The following MAPRE2 variants were observed in gnomAD, a reference collection of about 807,000 sequenced individuals.
MAPRE2 encodes microtubule associated protein RP/EB family member 2.
A neutral mutation model predicts 43.2 loss-of-function variants in MAPRE2; 13 were observed. The ratio of observed to expected loss-of-function variants is 0.30; its 90% CI spans 0.20 to 0.48. The LOEUF is 0.48. MAPRE2 is among the 20% of genes least tolerant of loss of function. The pLI is 0.99. For missense variants in MAPRE2, 161 were observed against 400.2 expected (o/e 0.40, Z 5.10); for synonymous variants, 135 against 148.8 (o/e 0.91, Z 0.68).
intron 2 of MAPRE2, among the ~76,000 whole-genome samples, chr18:35,008,952 G>A (rs2097033083): frequency 6.7e-6 from 1 of 148,330 alleles, no homozygotes; most frequent in African/African-American, 2.4e-5. Context: ...GTTTTGGGGT[G>A]TGTGTGTGTG....
At chr18:34,979,283 C>T (rs1374141729) in intron 1 of MAPRE2, among the ~76,000 whole-genome samples, 1 of 152,134 alleles carries the variant, frequency 6.6e-6, no homozygotes, top group Non-Finnish European at 1.5e-5. Flanking sequence ...TGTGATGACT[C>T]ATGTGTAGCA....
intron 2 of MAPRE2, among the ~76,000 whole-genome samples, chr18:35,088,572 T>A (rs895780353): frequency 1.2e-4 from 18 of 152,178 alleles, no homozygotes; most frequent in Non-Finnish European, 2.2e-4. Context: ...AAATTGTGTT[T>A]ATTCAAAATG....
At chr18:35,025,677 T>C (rs1478818652) in intron 2 of MAPRE2, among the ~76,000 whole-genome samples, 1 of 152,218 alleles carries the variant, frequency 6.6e-6, no homozygotes, top group East Asian at 1.9e-4. Context: ...TGTAGTTTTT[T>C]AATAAAGCAA....
At chr18:34,985,011 T>A (rs1309991621) in intron 1 of MAPRE2, among the ~76,000 whole-genome samples, 26 of 62,558 alleles carry the variant, frequency 4.2e-4, no homozygotes, top group African/African-American at 1.7e-3. Context: ...TAATATATTT[T>A]ATGTTATATA....
intron 1 of MAPRE2, among the ~76,000 whole-genome samples, chr18:35,000,619 A>C (rs183516484): frequency 6.6e-6 from 1 of 152,256 alleles, no homozygotes; most frequent in East Asian, 1.9e-4. Flanking sequence ...GTAGAAACAG[A>C]GAATGTGCTT....
chr18:35,002,308 T>C (rs920185467), intron 1 of MAPRE2, among the ~76,000 whole-genome samples: 1 of 152,240 alleles, frequency 6.6e-6, no homozygotes, highest in Admixed American at 6.5e-5. Flanking sequence ...TTCTGAAGTT[T>C]GGATGCAGCA....
intron 2 of MAPRE2, among the ~76,000 whole-genome samples, chr18:35,077,707 A>C (rs944065639): frequency 1.3e-5 from 2 of 152,224 alleles, no homozygotes; most frequent in African/African-American, 4.8e-5. Context: ...GTCCAAGGAC[A>C]TGACAGGTTT....
chr18:35,089,043 T>A (rs1047079610), intron 2 of MAPRE2, among the ~76,000 whole-genome samples: 1 of 152,182 alleles, frequency 6.6e-6, no homozygotes, highest in Admixed American at 6.6e-5. Context: ...CAAAGTTGAA[T>A]GATACTGGAG....
chr18:34,986,418 G>A (rs1191146114), intron 1 of MAPRE2, among the ~76,000 whole-genome samples: 4 of 152,090 alleles, frequency 2.6e-5, no homozygotes, highest in African/African-American at 4.8e-5. Context: ...TCTCCATAAA[G>A]TGGAAAAAAA....
At chr18:35,029,989 G>T (rs1308587149) in intron 2 of MAPRE2, among the ~76,000 whole-genome samples, 1 of 152,190 alleles carries the variant, frequency 6.6e-6, no homozygotes, top group Non-Finnish European at 1.5e-5. Context: ...CCTCCAGAAG[G>T]TATCAAAGAA....
intron 2 of MAPRE2, among the ~76,000 whole-genome samples, chr18:35,074,574 G>T (rs1002186132): frequency 1.5e-4 from 23 of 152,186 alleles, no homozygotes; most frequent in Admixed American, 1.3e-3. Context: ...AGCCTCCTTT[G>T]AGACTTCTTT....
intron 1 of MAPRE2, among the ~76,000 whole-genome samples, chr18:34,981,238 G>A (rs1386128287): frequency 1.3e-5 from 2 of 152,014 alleles, no homozygotes; most frequent in Non-Finnish European, 2.9e-5. Context: ...GCCAGCCAAG[G>A]TGGCACACAC....
At chr18:35,094,584 C>A (rs938779259) in intron 2 of MAPRE2, among the ~76,000 whole-genome samples, 1 of 152,150 alleles carries the variant, frequency 6.6e-6, no homozygotes, top group Non-Finnish European at 1.5e-5. Context: ...ACCTAGCTAA[C>A]TTTATCAGTT....
intron 2 of MAPRE2, among the ~76,000 whole-genome samples, chr18:35,035,194 G>A (rs2097049884): frequency 6.6e-6 from 1 of 151,914 alleles, no homozygotes; most frequent in African/African-American, 2.4e-5. Context: ...AAAAAATGAT[G>A]AGCTCATGTC....
In MAPRE2 at chr18:35,070,480, C is replaced by T. The variant is rs192129511; in HGVS notation, c.250+158C>T. 6.0e-4 allele frequency: 322 copies of T among 533,532 alleles called. 2 individuals are homozygous for T. Among genetic ancestry groups the T allele is most frequent in the Non-Finnish European group, 7.9e-4 (259 of 329,150 alleles). The allele number at this position is 533,532 out of a possible 1,614,324, so 33.0% of individuals were successfully genotyped here. A position where few individuals can be genotyped will look rare whatever the true frequency, so the allele number is the denominator to read the frequency against. ...GAAAAACTCAGATATAACTAAAGGA[C>T]GTATTGGGAAAAGTGTTTATGAGCA... On this transcript the variant is annotated intron_variant, in intron 2 of 6. Transcript: ENST00000300249.
chr18:34,980,440 T>G (rs1249432272), intron 1 of MAPRE2, among the ~76,000 whole-genome samples: 1 of 152,170 alleles, frequency 6.6e-6, no homozygotes, highest in East Asian at 1.9e-4. Flanking sequence ...TGCTTGGTAT[T>G]CTATTTTCTC....
chr18:35,129,527 T>C (rs1910054765), intron 5 of MAPRE2, among the ~76,000 whole-genome samples: 1 of 152,158 alleles, frequency 6.6e-6, no homozygotes, highest in Admixed American at 6.5e-5. Flanking sequence ...ATTCCCATGA[T>C]AGAAATGAAT....
intron 2 of MAPRE2, among the ~76,000 whole-genome samples, chr18:35,020,799 C>A (rs974613159): frequency 1.3e-5 from 2 of 152,092 alleles, no homozygotes; most frequent in East Asian, 3.8e-4. Flanking sequence ...GACATAAAAA[C>A]ATGAAGCATT....
At chr18:35,104,476 T>C (rs969856181) in intron 4 of MAPRE2, among the ~76,000 whole-genome samples, 8 of 151,982 alleles carry the variant, frequency 5.3e-5, no homozygotes, top group African/African-American at 1.9e-4. Context: ...GATAAGGCAA[T>C]GTAAGCAGGT....
Sources: gnomAD v4.1 joint callset for allele counts (sites outside exome capture counted in the v4.1 genomes callset) on GRCh38, gnomAD v4.1.1 for gene constraint, MANE v1.5 for transcripts, NCBI Gene and HGNC (gene_info 2026-07-23, HGNC 2026-07-21) for gene names.